RFC3: variants seen among roughly 807,000 people sequenced by gnomAD.
RFC3 encodes A1 38 kDa subunit.
In RFC3, 41 loss-of-function variants were observed where a neutral mutation model predicts 45.1. The observed-to-expected ratio is 0.91, with a 90% confidence interval of 0.71 to 1.18. The LOEUF (loss-of-function observed/expected upper bound fraction) is 1.18, where lower values mean the gene tolerates loss of function less well. Among genes scored for constraint, RFC3 ranks in the 50% most tolerant of loss-of-function variants. The probability of loss-of-function intolerance (pLI) is 0.00; values close to 1 mark genes in which losing one functional copy is unlikely to be tolerated. For missense variants in RFC3, 423 were observed against 428.1 expected (o/e 0.99, Z 0.10); for synonymous variants, 149 against 144.0 (o/e 1.03, Z -0.25).
chr13:33,956,124 A>G (rs907512875), intron 8 of RFC3, among the ~76,000 whole-genome samples: 7 of 152,224 alleles, frequency 4.6e-5, no homozygotes, highest in African/African-American at 1.7e-4. Context: ...GTGTCCACCA[A>G]TGTGTTAAAA....
At chr13:33,865,250 T>A (rs189993296) in intron 8 of RFC3, among the ~76,000 whole-genome samples, 63 of 152,196 alleles carry the variant, frequency 4.1e-4, no homozygotes, top group Admixed American at 2.9e-3. Context: ...TGAAAAAAAA[T>A]ATTTCTATAA....
rs769071268 is a variant in RFC3, at chr13:33,830,732, T to C, written c.587T>C (p.Leu196Ser). The C allele has an allele frequency of 3.3e-5, 53 of 1,609,726 alleles. No individual in the cohort carries two copies. The highest frequency in any genetic ancestry group is 4.5e-5 in the Non-Finnish European group (53 of 1,178,484). The change falls in exon 6 of 9, where the codon TTA becomes TCA. Residue 196 changes from leucine to serine, a missense_variant. By Grantham distance (145) the Leu-to-Ser change is moderately radical. Coordinates refer to ENST00000380071, the MANE Select transcript of RFC3 (RefSeq NM_002915.4). The part of the protein sequence containing the change: ...APSIEDICHV[L>S]STVCKKEGLN... ...TTTTATTTGTAGATTTGCCACGTGT[T>C]ATCTACTGTGTGTAAGAAGGAAGGT...
chr13:33,929,046 A>G (rs995051215), intron 8 of RFC3, among the ~76,000 whole-genome samples: 5 of 151,844 alleles, frequency 3.3e-5, no homozygotes, highest in Non-Finnish European at 4.4e-5. Context: ...TTTTTTCCAG[A>G]TTTTATTTGA....
At chr13:33,860,574 C>T (rs2082334605) in intron 8 of RFC3, among the ~76,000 whole-genome samples, 1 of 152,100 alleles carries the variant, frequency 6.6e-6, no homozygotes, top group African/African-American at 2.4e-5. Context: ...TTTGCTTATC[C>T]CTCGGCTTTT....
chr13:33,934,475 T>C (rs2082873392), intron 8 of RFC3, among the ~76,000 whole-genome samples: 1 of 152,180 alleles, frequency 6.6e-6, no homozygotes, highest in Admixed American at 6.5e-5. Context: ...AGCTCTGAGA[T>C]GACTGTGTGT....
chr13:33,865,230 A>G (rs781113646), intron 8 of RFC3, among the ~76,000 whole-genome samples: 5 of 152,248 alleles, frequency 3.3e-5, no homozygotes, highest in African/African-American at 7.2e-5. Flanking sequence ...TGAAAGTTCT[A>G]TAAAAAATAT....
intron 8 of RFC3, among the ~76,000 whole-genome samples, chr13:33,957,481 AT>A (rs1308443399): frequency 6.6e-6 from 1 of 152,158 alleles, no homozygotes; most frequent in African/African-American, 2.4e-5. Context: ...GTTGGTGTGC[AT>A]TTTGCCCTGT....
intron 8 of RFC3, among the ~76,000 whole-genome samples, chr13:33,887,688 C>A (rs1203342790): frequency 6.6e-6 from 1 of 152,160 alleles, no homozygotes; most frequent in Non-Finnish European, 1.5e-5. Flanking sequence ...GTGTTTTAGA[C>A]ATGAAGTCCT....
intron 3 of RFC3, among the ~76,000 whole-genome samples, chr13:33,824,659 A>C (rs1216823509): frequency 6.6e-6 from 1 of 152,112 alleles, no homozygotes; most frequent in Non-Finnish European, 1.5e-5. Flanking sequence ...AAGAGTGAAC[A>C]TCCATTTCAG....
intron 8 of RFC3, among the ~76,000 whole-genome samples, chr13:33,965,397 A>G (rs578023691): frequency 2.3e-4 from 35 of 152,332 alleles, no homozygotes; most frequent in Admixed American, 1.4e-3. Flanking sequence ...GTACAGTAAC[A>G]TACTGTACAG....
intron 8 of RFC3, among the ~76,000 whole-genome samples, chr13:33,949,040 G>C (rs1432285980): frequency 6.6e-6 from 1 of 152,130 alleles, no homozygotes; most frequent in Admixed American, 6.5e-5. Context: ...GAGTACATGA[G>C]ATTTGGGAGG....
intron 8 of RFC3, among the ~76,000 whole-genome samples, chr13:33,923,286 C>A (rs1593694535): frequency 6.6e-6 from 1 of 152,158 alleles, no homozygotes; most frequent in East Asian, 1.9e-4. Flanking sequence ...CCTAGACAGA[C>A]ACCCTGAAGC....
intron 8 of RFC3, among the ~76,000 whole-genome samples, chr13:33,899,217 A>C (rs2082622636): frequency 6.7e-6 from 1 of 148,792 alleles, no homozygotes; most frequent in African/African-American, 2.4e-5. Flanking sequence ...AAAAAAAAAA[A>C]AAAAAAAAAA....
chr13:33,893,378 A>G (rs1315086069), intron 8 of RFC3, among the ~76,000 whole-genome samples: 1 of 152,192 alleles, frequency 6.6e-6, no homozygotes, highest in Non-Finnish European at 1.5e-5. Flanking sequence ...ATCTCTCAGA[A>G]AATATATCTA....
chr13:33,863,449 T>C (rs1273122391), intron 8 of RFC3, among the ~76,000 whole-genome samples: 1 of 152,212 alleles, frequency 6.6e-6, no homozygotes, highest in Admixed American at 6.5e-5. Flanking sequence ...AACATGGCTT[T>C]GCAATATTCA....
intron 7 of RFC3, among the ~76,000 whole-genome samples, chr13:33,831,751 A>AT (rs2082107015): frequency 6.6e-6 from 1 of 152,224 alleles, no homozygotes; most frequent in Non-Finnish European, 1.5e-5. Context: ...ACACCAGACT[A>AT]TAAGTCAGAC....
At chr13:33,897,822 G>A (rs1301507826) in intron 8 of RFC3, among the ~76,000 whole-genome samples, 2 of 151,850 alleles carry the variant, frequency 1.3e-5, no homozygotes, top group African/African-American at 2.4e-5. Flanking sequence ...AAGCAAAGGA[G>A]TTCACTATAT....
intron 8 of RFC3, among the ~76,000 whole-genome samples, chr13:33,933,607 A>G (rs762651939): frequency 6.6e-6 from 1 of 152,146 alleles, no homozygotes; most frequent in Admixed American, 6.5e-5. Context: ...AAATTTAATA[A>G]TGTACAAAGT....
chr13:33,950,604 G>T (rs528744024), intron 8 of RFC3, among the ~76,000 whole-genome samples: 4 of 152,212 alleles, frequency 2.6e-5, no homozygotes, highest in African/African-American at 9.6e-5. Flanking sequence ...GGAAGAAAGC[G>T]TCTGTAGTTA....
Sources: gnomAD v4.1 joint callset for allele counts (sites outside exome capture counted in the v4.1 genomes callset) on GRCh38, gnomAD v4.1.1 for gene constraint, MANE v1.5 for transcripts, NCBI Gene and HGNC (gene_info 2026-07-23, HGNC 2026-07-21) for gene names.